The following RAB15 variants were observed in gnomAD, a reference collection of about 807,000 sequenced individuals.
The protein encoded by RAB15 is RAB15, member RAS oncogene family.
In RAB15, 13 loss-of-function variants were observed where a neutral mutation model predicts 31.8. The ratio of observed to expected loss-of-function variants is 0.41; its 90% CI spans 0.27 to 0.65. The LOEUF (loss-of-function observed/expected upper bound fraction) is 0.65. RAB15 is among the 30% of genes least tolerant of loss of function. RAB15 has a pLI of 0.32. For missense variants in RAB15, 220 were observed against 277.3 expected (o/e 0.79, Z 1.47); for synonymous variants, 100 against 105.6 (o/e 0.95, Z 0.33).
rs1886408512 is a variant in RAB15 at position 64,954,033 on chromosome 14, C to T, written c.125-1462G>A. 1.0e-6 allele frequency: 1 copy of T among 985,456 alleles called. No homozygotes were observed. Among genetic ancestry groups the T allele is most frequent in the Non-Finnish European group, 1.2e-6 (1 of 829,938 alleles). 61.0% of individuals were successfully genotyped at this position (985,456 alleles called of 1,614,324 possible). On this transcript the variant is annotated intron_variant, in intron 1 of 6. Coordinates refer to ENST00000533601, the MANE Select transcript of RAB15 (RefSeq NM_001308154.2). The surrounding 1 kb of genome is among the most constrained non-coding windows in gnomAD (Gnocchi z 4.3). Reference sequence around the variant, plus strand: ...TCTACAAAGGCAAACAAATTAAATTCTGTCTCTTCCTTCCCACCATCAAGA... The same window carrying T: ...TCTACAAAGGCAAACAAATTAAATTTTGTCTCTTCCTTCCCACCATCAAGA...
rs11540872 is a variant in RAB15 at position 64,948,020 on chromosome 14, C to G, written c.*334G>C. The G allele has an allele frequency of 0.22, 63,041 of 280,642 alleles. 7,484 individuals carry two copies. Among genetic ancestry groups the G allele is most frequent in the Middle Eastern group, 0.29 (300 of 1,050 alleles). The allele number at this position is 280,642 out of a possible 1,614,324, so 17.4% of individuals were successfully genotyped here. A position where few individuals can be genotyped will look rare whatever the true frequency, so the allele number is the denominator to read the frequency against. On this transcript the variant is annotated 3_prime_UTR_variant, in exon 7 of 7. Transcript: ENST00000533601. This position sits in a 1 kb window ranked among gnomAD's most constrained non-coding sequence, Gnocchi z 7.0. ...GAGACACGATGCACGGAGAAAGGAGCAGCTGAAAGTGGCCTGGACTCCAGC... is the reference window on the plus strand; with the variant it reads ...GAGACACGATGCACGGAGAAAGGAGGAGCTGAAAGTGGCCTGGACTCCAGC...
chr14:64,948,234 C>T lies in RAB15; in HGVS notation c.*120G>A. 9.3e-7 allele frequency: 1 copy of T among 1,080,138 alleles called. No individual in the cohort carries two copies. The highest frequency in any genetic ancestry group is 1.3e-6 in the Non-Finnish European group (1 of 794,260). 66.9% of individuals were successfully genotyped at this position (1,080,138 alleles called of 1,614,324 possible). On this transcript the variant is annotated 3_prime_UTR_variant, in exon 7 of 7. Transcript: ENST00000533601. This position sits in a 1 kb window ranked among gnomAD's most constrained non-coding sequence, Gnocchi z 7.0. ...GGCCAGGCAGGGGGAGTAGTGGCTA[C>T]TGATACTCAATAGGGTCATCACACG...
At chr14:64,956,956 G>T (rs1319335834) in intron 1 of RAB15, among the ~76,000 whole-genome samples, 3 of 140,054 alleles carry the variant, frequency 2.1e-5, no homozygotes, top group African/African-American at 8.3e-5. Context: ...TTTTTGGGAT[G>T]GAGTCTCACT....
intron 1 of RAB15, among the ~76,000 whole-genome samples, chr14:64,966,657 ACT>A (rs1259842026): frequency 6.6e-6 from 1 of 152,184 alleles, no homozygotes; most frequent in Non-Finnish European, 1.5e-5. Flanking sequence ...TTTAAGAAAG[ACT>A]CTGTTACCAT....
intron 5 of RAB15, among the ~76,000 whole-genome samples, chr14:64,949,735 AAAAAG>A (rs1416903973): frequency 0.016 from 2,490 of 151,102 alleles, 62 homozygotes; most frequent in African/African-American, 0.058. Flanking sequence ...AAAAAAAAAA[AAAAAG>A]AAAGAAAGAA....
chr14:64,972,023 C>G lies in RAB15; in HGVS notation c.54G>C (p.Gly18=), dbSNP rs202197748. Residue 18 remains glycine, a synonymous_variant, in exon 1 of 7, where the codon GGG becomes GGC. Transcript: ENST00000533601. The surrounding 1 kb of genome is among the most constrained non-coding windows in gnomAD (Gnocchi z 6.3). The part of the protein sequence containing the change: ...LFRLLLIGDS[G]VGKTCLLCRF... ...GGCACAGCAGGCAGGTCTTGCCCAC[C>G]CCGGAGTCCCCGATCAGCAGCAGCC... 1.2e-6 allele frequency: 2 copies of G among 1,610,030 alleles called. No homozygotes were observed. The highest frequency in any genetic ancestry group is 2.7e-5 in the African/African-American group (2 of 74,916).
chr14:64,951,535 T>A lies in RAB15; in HGVS notation c.246+68A>T. On this transcript the variant is annotated intron_variant, in intron 3 of 6. Coordinates refer to ENST00000533601, the MANE Select transcript of RAB15 (RefSeq NM_001308154.2). The surrounding 1 kb of genome is among the most constrained non-coding windows in gnomAD (Gnocchi z 7.2). ...TTAGGGGATCCGTGGCACAGACATC[T>A]CAAATACCCAGAGCTGGGAGTGTGG... 7.0e-7 allele frequency: 1 copy of A among 1,424,398 alleles called. No homozygotes were observed. The highest frequency in any genetic ancestry group is 9.9e-7 in the Non-Finnish European group (1 of 1,006,714). 88.2% of individuals were successfully genotyped at this position (1,424,398 alleles called of 1,614,324 possible).
chr14:64,964,840 G>C (rs1887047565), intron 1 of RAB15, among the ~76,000 whole-genome samples: 1 of 152,116 alleles, frequency 6.6e-6, no homozygotes, highest in Non-Finnish European at 1.5e-5. Flanking sequence ...CTCCCAAAGT[G>C]CTGGGATTAC....
Position 64,951,737 on chromosome 14 carries a change from C to T in RAB15, c.186-74G>A. On this transcript the variant is annotated intron_variant, in intron 2 of 6. Transcript: ENST00000533601. This position sits in a 1 kb window ranked among gnomAD's most constrained non-coding sequence, Gnocchi z 7.2. ...ACGGGGAGGGGAAGAGCAGAGCTGT[C>T]CCCTTGTAGGAAAAACTGGGGAGCT... is the stretch of plus-strand genomic sequence containing the variant. 1 of 1,343,544 alleles carries T rather than the reference C, an allele frequency of 7.4e-7. No individual in the cohort carries two copies. The highest frequency in any genetic ancestry group is 1.1e-6 in the Non-Finnish European group (1 of 933,588). The allele number at this position is 1,343,544 out of a possible 1,614,324, so 83.2% of individuals were successfully genotyped here. A position where few individuals can be genotyped will look rare whatever the true frequency, so the allele number is the denominator to read the frequency against.
At position 64,952,677 on chromosome 14, in the gene RAB15, G is replaced by A. The variant is rs1012238959; in HGVS notation, c.125-106C>T. Reference sequence around the variant, plus strand: ...AAAGGTTTCCTTTCAGTTTAATTTGGCAAAGGGATGAAGTAATGTAAAGGC... The same window carrying A: ...AAAGGTTTCCTTTCAGTTTAATTTGACAAAGGGATGAAGTAATGTAAAGGC... On this transcript the variant is annotated intron_variant, in intron 1 of 6. Coordinates refer to ENST00000533601, the MANE Select transcript of RAB15 (RefSeq NM_001308154.2). The surrounding 1 kb of genome is among the most constrained non-coding windows in gnomAD (Gnocchi z 4.2). The A allele has an allele frequency of 4.0e-5, 31 of 779,196 alleles. No individual in the cohort carries two copies. The highest frequency in any genetic ancestry group is 6.2e-5 in the Non-Finnish European group (29 of 471,328). 48.3% of individuals were successfully genotyped at this position (779,196 alleles called of 1,614,324 possible).
At chr14:64,949,732 A>T (rs1177445541) in intron 5 of RAB15, among the ~76,000 whole-genome samples, 1 of 151,476 alleles carries the variant, frequency 6.6e-6, no homozygotes, top group Non-Finnish European at 1.5e-5. Context: ...CAAAAAAAAA[A>T]AAAAAAAGAA....
chr14:64,952,886 G>A lies in RAB15; in HGVS notation c.125-315C>T, dbSNP rs1185769802. The stretch of plus-strand genomic sequence containing the variant: ...CAGACTTAAAACATGTCTCGTTCTA[G>A]TCATGTGTGAAGTCTTCCTATTTAT... On this transcript the variant is annotated intron_variant, in intron 1 of 6. Transcript: ENST00000533601. The surrounding 1 kb of genome is among the most constrained non-coding windows in gnomAD (Gnocchi z 4.2). Among the ~76,000 whole-genome samples, 2 of 152,228 alleles carry A rather than the reference G, an allele frequency of 1.3e-5. No individual in the cohort carries two copies. Among genetic ancestry groups the A allele is most frequent in the Non-Finnish European group, 2.9e-5 (2 of 68,038 alleles).
intron 1 of RAB15, among the ~76,000 whole-genome samples, chr14:64,964,551 A>C (rs2139997236): frequency 6.6e-6 from 1 of 151,670 alleles, no homozygotes; most frequent in East Asian, 1.9e-4. Context: ...AAAAAGAAAG[A>C]AAAGAAAACA....
At position 64,971,796 on chromosome 14, in the gene RAB15, A is replaced by G. The variant is rs2140009893; in HGVS notation, c.124+157T>C. On this transcript the variant is annotated intron_variant, in intron 1 of 6. Coordinates refer to ENST00000533601, the MANE Select transcript of RAB15 (RefSeq NM_001308154.2). The surrounding 1 kb of genome is among the most constrained non-coding windows in gnomAD (Gnocchi z 4.1). ...AGCAGGGACACCCTCACCTGCCAAA[A>G]CCTATGCTCACCCCGAGATTTATCC... is the stretch of plus-strand genomic sequence containing the variant. 1 of 700,482 alleles carries G rather than the reference A, an allele frequency of 1.4e-6. No individual in the cohort carries two copies. The highest frequency in any genetic ancestry group is 2.9e-5 in the East Asian group (1 of 34,918). 43.4% of individuals were successfully genotyped at this position (700,482 alleles called of 1,614,324 possible). A position where few individuals can be genotyped will look rare whatever the true frequency, so the allele number is the denominator to read the frequency against.
Position 64,951,153 on chromosome 14 carries a change from TGAGA to T in RAB15, c.247-6_247-3del, listed in dbSNP as rs763207972. On this transcript the variant is annotated splice_region_variant and splice_polypyrimidine_tract_variant and intron_variant, in intron 3 of 6. Coordinates refer to ENST00000533601, the MANE Select transcript of RAB15 (RefSeq NM_001308154.2). This position sits in a 1 kb window ranked among gnomAD's most constrained non-coding sequence, Gnocchi z 7.2. ...AATGTCATAGACCAAAAATATCCCC[TGAGA>T]GAGAGAGAAATAGAGAGATGTGATA... The T allele has an allele frequency of 3.7e-6, 6 of 1,608,928 alleles. No individual in the cohort carries two copies. Among genetic ancestry groups the T allele is most frequent in the East Asian group, 2.2e-5 (1 of 44,862 alleles).
chr14:64,971,956 T>C lies in RAB15; in HGVS notation c.121A>G (p.Ile41Val), dbSNP rs779191211. ...GCCCCGGGCCACCGCCCCTTACCGA[T>C]GGTGGAGATGTGCGAGGAGTGGAAC... is the stretch of plus-strand genomic sequence containing the variant. ...NEFHSSHISTIGVDFKMKTIE... is the reference protein window; with the variant it reads ...NEFHSSHISTVGVDFKMKTIE... The change falls in exon 1 of 7, where the codon ATC (isoleucine) becomes GTC (valine). Residue 41 changes from isoleucine to valine, a missense_variant. Coordinates refer to ENST00000533601, the MANE Select transcript of RAB15 (RefSeq NM_001308154.2). This position sits in a 1 kb window ranked among gnomAD's most constrained non-coding sequence, Gnocchi z 4.1. 1 of 1,573,596 alleles carries C rather than the reference T, an allele frequency of 6.4e-7. No individual in the cohort carries two copies. Among genetic ancestry groups the C allele is most frequent in the Non-Finnish European group, 8.6e-7 (1 of 1,160,206 alleles).
At chr14:64,956,558 A>G (rs146916209) in intron 1 of RAB15, among the ~76,000 whole-genome samples, 2 of 152,318 alleles carry the variant, frequency 1.3e-5, no homozygotes, top group Middle Eastern at 3.4e-3. Context: ...ATTCTCACAC[A>G]TGCGTAAGTT....
chr14:64,964,841 C>T (rs1566848803), intron 1 of RAB15, among the ~76,000 whole-genome samples: 1 of 152,118 alleles, frequency 6.6e-6, no homozygotes, highest in Non-Finnish European at 1.5e-5. Flanking sequence ...TCCCAAAGTG[C>T]TGGGATTACA....
chr14:64,957,395 G>C (rs1886635488), intron 1 of RAB15, among the ~76,000 whole-genome samples: 1 of 152,112 alleles, frequency 6.6e-6, no homozygotes, highest in East Asian at 1.9e-4. Context: ...AACCAGCCCA[G>C]AGAACCCTGA....
Sources: gnomAD v4.1 joint callset for allele counts (sites outside exome capture counted in the v4.1 genomes callset) on GRCh38, gnomAD v4.1.1 for gene constraint, Gnocchi (gnomAD v3.1) non-coding constraint, MANE v1.5 for transcripts, NCBI Gene and HGNC (gene_info 2026-07-23, HGNC 2026-07-21) for gene names.